Variants in PEX1 observed in about 807,000 individuals in gnomAD.
PEX1 encodes peroxisomal biogenesis factor 1.
In PEX1, 97 loss-of-function variants were observed where a neutral mutation model predicts 152.5. That is an observed-to-expected ratio of 0.64 (90% CI 0.54 to 0.75). The LOEUF (loss-of-function observed/expected upper bound fraction) is 0.75. PEX1 is among the 30% of genes least tolerant of loss of function. PEX1 has a pLI of 0.00. For synonymous variants in PEX1, 485 were observed against 531.6 expected (o/e 0.91, Z 1.21); for missense variants, 1,357 against 1,516.3 (o/e 0.89, Z 1.74).
intron 15 of PEX1, among the ~76,000 whole-genome samples, chr7:92,501,018 T>C (rs1463493099): frequency 6.6e-6 from 1 of 152,250 alleles, no homozygotes; most frequent in African/African-American, 2.4e-5. Flanking sequence ...ATTTGAATGA[T>C]TAAAGCAAAC....
At position 92,518,993 on chromosome 7, in the gene PEX1, A is replaced by G; in HGVS notation, c.357+2T>C. The G allele has an allele frequency of 6.3e-7, 1 of 1,598,880 alleles. No homozygotes were observed. The highest frequency in any genetic ancestry group is 2.2e-5 in the East Asian group (1 of 44,804). The stretch of plus-strand genomic sequence containing the variant: ...AGATAGTTCTTATTTGGTTTTCTTT[A>G]CCAGTATCTCCCAATCATCTGCTGA... On this transcript the variant is annotated splice_donor_variant, in intron 3 of 23. Coordinates refer to ENST00000248633, the MANE Select transcript of PEX1 (RefSeq NM_000466.3). LOFTEE classifies it high-confidence loss of function.
intron 23 of PEX1, 39 bp downstream of exon 23, chr7:92,489,254 A>G (rs372959546): frequency 4.6e-5 from 73 of 1,570,778 alleles, no homozygotes; most frequent in Non-Finnish European, 6.3e-5. Flanking sequence ...TGTCACTTGT[A>G]ATAGTAGCTG....
chr7:92,521,135 A>AT (rs1793032071), intron 2 of PEX1, among the ~76,000 whole-genome samples: 1 of 150,452 alleles, frequency 6.6e-6, no homozygotes, highest in South Asian at 2.1e-4. Context: ...AATTTTTTTA[A>AT]TTTTTTTATA....
At chr7:92,498,562 A>G (rs1409494219) in intron 16 of PEX1, among the ~76,000 whole-genome samples, 1 of 152,326 alleles carries the variant, frequency 6.6e-6, no homozygotes, top group East Asian at 1.9e-4. Context: ...ATAAGGCTAG[A>G]ATAATACACG....
intron 16 of PEX1, among the ~76,000 whole-genome samples, chr7:92,499,474 A>T (rs1430147503): frequency 6.6e-6 from 1 of 152,222 alleles, no homozygotes; most frequent in African/African-American, 2.4e-5. Context: ...GATTTGTTTT[A>T]TATGAAATAT....
intron 1 of PEX1, among the ~76,000 whole-genome samples, chr7:92,524,892 A>G (rs1169583006): frequency 6.6e-6 from 1 of 152,234 alleles, no homozygotes; most frequent in African/African-American, 2.4e-5. Flanking sequence ...AGAGTCAGCA[A>G]TACATAATCC....
At chr7:92,520,928 T>C (rs771947756) in intron 2 of PEX1, among the ~76,000 whole-genome samples, 1 of 152,132 alleles carries the variant, frequency 6.6e-6, no homozygotes, top group Admixed American at 6.5e-5. Flanking sequence ...AAAAACTCAT[T>C]TTTTACTTTC....
rs2116248481 is a variant in PEX1, at chr7:92,518,137, C to T, written c.472+4G>A. The stretch of plus-strand genomic sequence containing the variant: ...ATGACAGCAAATATTACAATAGCAC[C>T]TACCAATTTGGATAAATATGTACGT... On this transcript the variant is annotated splice_donor_region_variant and intron_variant, in intron 4 of 23. Coordinates refer to ENST00000248633, the MANE Select transcript of PEX1 (RefSeq NM_000466.3). 1.2e-6 allele frequency: 2 copies of T among 1,606,838 alleles called. No individual in the cohort carries two copies. The highest frequency in any genetic ancestry group is 1.7e-6 in the Non-Finnish European group (2 of 1,173,532).
At chr7:92,499,256 T>A (rs1791805611) in intron 16 of PEX1, among the ~76,000 whole-genome samples, 1 of 152,198 alleles carries the variant, frequency 6.6e-6, no homozygotes, top group Admixed American at 6.5e-5. Flanking sequence ...GAGAAATTTG[T>A]GCATGAATAT....
rs141650598 is a variant in PEX1 at position 92,493,129 on chromosome 7, C to T, written c.3031G>A (p.Val1011Met). 690 of 1,556,554 alleles carry T rather than the reference C, an allele frequency of 4.4e-4. 6 individuals are homozygous for T. Among genetic ancestry groups the T allele is most frequent in the South Asian group, 2.9e-3 (242 of 82,832 alleles). Residue 1011 changes from valine to methionine, a missense_variant and splice_region_variant, in exon 20 of 24, where the codon GTG becomes ATG. Physicochemically the swap from Val to Met is conservative, Grantham distance 21. Coordinates refer to ENST00000248633, the MANE Select transcript of PEX1 (RefSeq NM_000466.3). ...ACATTTAAAATTTCAAGACGTGACACCTGAAAGGAGAAAAATTTATTTAAC... is the reference window on the plus strand; with the variant it reads ...ACATTTAAAATTTCAAGACGTGACATCTGAAAGGAGAAAAATTTATTTAAC... ...KCVYCPPPDQ[V>M]SRLEILNVLS...
rs762008184 is a variant in PEX1 at position 92,514,004 on chromosome 7, C to T, written c.1240-37G>A. On this transcript the variant is annotated intron_variant, in intron 5 of 23. Transcript: ENST00000248633. ...AAATAAACAAAAATATAAATATATTCAAAGCTTGGTTAAGAAATATTTCAT... is the reference window on the plus strand; with the variant it reads ...AAATAAACAAAAATATAAATATATTTAAAGCTTGGTTAAGAAATATTTCAT... The T allele has an allele frequency of 1.3e-5, 17 of 1,319,280 alleles. No homozygotes were observed. The South Asian group carries it at 2.1e-4, about 17-fold the overall frequency. The allele number at this position is 1,319,280 out of a possible 1,614,324, so 81.7% of individuals were successfully genotyped here. A position where few individuals can be genotyped will look rare whatever the true frequency, so the allele number is the denominator to read the frequency against.
At chr7:92,520,484 G>A (rs1029909607) in intron 2 of PEX1, among the ~76,000 whole-genome samples, 3 of 152,202 alleles carry the variant, frequency 2.0e-5, no homozygotes, top group African/African-American at 7.2e-5. Context: ...GCACTCTCGT[G>A]TATTGTCATG....
chr7:92,509,204 T>C, intron 9 of PEX1, 125 bp downstream of exon 9: 1 of 686,946 alleles, frequency 1.5e-6, no homozygotes, highest in Non-Finnish European at 2.6e-6. Flanking sequence ...TGAAAAAATA[T>C]CTACTGATGC....
Position 92,490,385 on chromosome 7 carries a change from A to T in PEX1, c.3439-474T>A, listed in dbSNP as rs1306039414. 7 of 182,928 alleles carry T rather than the reference A, an allele frequency of 3.8e-5. No homozygotes were observed. In the Admixed American group the frequency reaches 4.0e-4, roughly 10 times the overall value. 11.3% of individuals were successfully genotyped at this position (182,928 alleles called of 1,614,324 possible). ...CATAGTGGCTCACACCTGTAATCCT[A>T]GCACTTTGGGAGGTCAAGGCACGCA... On this transcript the variant is annotated intron_variant, in intron 21 of 23. Transcript: ENST00000248633.
At position 92,494,654 on chromosome 7, in the gene PEX1, T is replaced by C. The variant is rs776035497; in HGVS notation, c.2784-25A>G. ...TCTGGGAAAAACAAACAACATTTCA[T>C]ATTTGAATCAGGCTTCATAGTTGGC... is the stretch of plus-strand genomic sequence containing the variant. On this transcript the variant is annotated intron_variant, in intron 17 of 23. Coordinates refer to ENST00000248633, the MANE Select transcript of PEX1 (RefSeq NM_000466.3). 6 of 1,612,030 alleles carry C rather than the reference T, an allele frequency of 3.7e-6. No homozygotes were observed. In the South Asian group the frequency reaches 6.6e-5, roughly 18 times the overall value.
Position 92,518,167 on chromosome 7 carries a change from T to C in PEX1, c.446A>G (p.Gln149Arg), listed in dbSNP as rs779213535. ...AATTTGGATAAATATGTACGTTTGT[T>C]GATCAACCCAAACAGGAAAAATGGC... ...PKAIFPVWVD[Q>R]QTYIFIQIVA... is the part of the protein sequence containing the mutation. The change falls in exon 4 of 24, where the codon CAA becomes CGA. Residue 149 changes from glutamine (Q) to arginine (R), a missense_variant. Transcript: ENST00000248633. The C allele has an allele frequency of 4.3e-6, 7 of 1,613,170 alleles. No homozygotes were observed. The highest frequency in any genetic ancestry group is 5.9e-6 in the Non-Finnish European group (7 of 1,179,232).
At chr7:92,489,203 T>G in intron 23 of PEX1, 90 bp downstream of exon 23, 1 of 1,190,450 alleles carries the variant, frequency 8.4e-7, no homozygotes. Context: ...CAAAATATTT[T>G]TATTTTAAAC....
intron 1 of PEX1, among the ~76,000 whole-genome samples, chr7:92,527,653 G>A (rs368864184): frequency 1.3e-5 from 2 of 152,218 alleles, no homozygotes; most frequent in Non-Finnish European, 2.9e-5. Context: ...GAGACCATGT[G>A]CCTCTATTTT....
intron 1 of PEX1, among the ~76,000 whole-genome samples, chr7:92,523,190 A>G (rs993912793): frequency 2.0e-5 from 3 of 152,252 alleles, no homozygotes; most frequent in African/African-American, 7.2e-5. Context: ...CACAAACAAG[A>G]CAACCATGTG....
Sources: allele counts gnomAD v4.1 joint callset (sites outside exome capture counted in the v4.1 genomes callset), GRCh38; gene constraint gnomAD v4.1.1; transcripts MANE v1.5; gene names NCBI Gene and HGNC (gene_info 2026-07-23, HGNC 2026-07-21).